CCDC13: variants seen among roughly 807,000 people sequenced by gnomAD.
The protein encoded by CCDC13 is coiled-coil domain-containing protein 13.
Under a neutral mutation model 87.3 loss-of-function variants are expected in CCDC13, and 70 were observed. The observed-to-expected ratio is 0.80, with a 90% CI of 0.66 to 0.98. The LOEUF is 0.98. CCDC13 is among the 50% of genes least tolerant of loss of function. The pLI is 0.00. For missense variants in CCDC13, 842 were observed against 892.0 expected, an observed-to-expected ratio of 0.94 and a Z score of 0.71; for synonymous variants, 317 against 360.3, an observed-to-expected ratio of 0.88 and a Z score of 1.36.
At chr3:42,756,695 C>T (rs575562833) in intron 3 of CCDC13, among the ~76,000 whole-genome samples, 265 of 151,532 alleles carry the variant, frequency 1.7e-3, no homozygotes, top group Admixed American at 4.3e-3. Context: ...CACAACATAA[C>T]ATGTGAGCCA....
At chr3:42,771,624 A>T (rs1209248614) in intron 1 of CCDC13, among the ~76,000 whole-genome samples, 9 of 152,068 alleles carry the variant, frequency 5.9e-5, no homozygotes, top group Non-Finnish European at 1.5e-5. Context: ...GCATGGTGGC[A>T]TGTGCCTGTG....
chr3:42,771,201 G>A (rs1166249926), intron 1 of CCDC13: 3 of 152,174 alleles, frequency 2.0e-5, no homozygotes, highest in Non-Finnish European at 4.4e-5. Flanking sequence ...GAAGAAGCCG[G>A]TCTGAAAAGG....
intron 1 of CCDC13, among the ~76,000 whole-genome samples, chr3:42,766,619 A>AC (rs1699938408): frequency 6.6e-6 from 1 of 151,448 alleles, no homozygotes; most frequent in South Asian, 2.1e-4. Flanking sequence ...AAAAAAAAAA[A>AC]AAAACAACCA....
At chr3:42,729,411 G>A (rs531122722) in intron 13 of CCDC13, among the ~76,000 whole-genome samples, 81 of 152,316 alleles carry the variant, frequency 5.3e-4, no homozygotes, top group Non-Finnish European at 9.3e-4. Flanking sequence ...TTAGGTAGCA[G>A]GCATCCTTTG....
intron 8 of CCDC13, 72 bp from the exon 9 acceptor site, chr3:42,739,882 T>C: frequency 1.4e-6 from 2 of 1,447,170 alleles, no homozygotes; most frequent in Non-Finnish European, 1.9e-6. Flanking sequence ...CCCTGGCTCC[T>C]ACTCAATGGC....
At chr3:42,716,456 T>C (rs1698431938) in intron 13 of CCDC13, among the ~76,000 whole-genome samples, 1 of 152,034 alleles carries the variant, frequency 6.6e-6, no homozygotes, top group African/African-American at 2.4e-5. Flanking sequence ...CTTGAAACAA[T>C]AAAAAATTTC....
At chr3:42,760,783 A>T (rs971900092) in intron 1 of CCDC13, among the ~76,000 whole-genome samples, 48 of 151,856 alleles carry the variant, frequency 3.2e-4, no homozygotes, top group African/African-American at 8.0e-4. Flanking sequence ...AAATATAAAT[A>T]AATTAATTAA....
At chr3:42,766,645 A>G (rs1575339176) in intron 1 of CCDC13, among the ~76,000 whole-genome samples, 3 of 151,848 alleles carry the variant, frequency 2.0e-5, no homozygotes. Flanking sequence ...CCAAACAAAC[A>G]AACTTCCTCT....
chr3:42,752,080 G>GT, intron 4 of CCDC13, 55 bp from the exon 5 acceptor site: 1 of 1,483,092 alleles, frequency 6.7e-7, no homozygotes, highest in Non-Finnish European at 9.3e-7. Context: ...GCAGCCCAAG[G>GT]AAAGCACTCT....
chr3:42,713,058 C>G (rs1339104450), intron 14 of CCDC13, 104 bp downstream of exon 14: 2 of 1,338,496 alleles, frequency 1.5e-6, no homozygotes, highest in Non-Finnish European at 2.0e-6. Context: ...AGCTCTGCTT[C>G]CCACATGCTC....
chr3:42,747,289 A>T lies in CCDC13; in HGVS notation c.688T>A (p.Ser230Thr), dbSNP rs1270921016. The change falls in exon 6 of 16, where the codon TCT (serine) becomes ACT (threonine). Residue 230 changes from serine to threonine, a missense_variant. Physicochemically the swap from Ser to Thr is moderately conservative, Grantham distance 58. Coordinates refer to ENST00000310232, the MANE Select transcript of CCDC13 (RefSeq NM_144719.4). ...GCCATCCGCAGCTCCTGCTTCACAG[A>T]CTGGATCTGGTTTCGGAGGTCACTC... Reference protein sequence around the residue: ...KMSDLRNQIQSVKQELRMAQK... With the variant: ...KMSDLRNQIQTVKQELRMAQK... 1 of 1,613,982 alleles carries T rather than the reference A, an allele frequency of 6.2e-7. No individual in the cohort carries two copies. The highest frequency in any genetic ancestry group is 8.5e-7 in the Non-Finnish European group (1 of 1,180,018).
rs1391592718 is a variant in CCDC13, at chr3:42,717,443, T to A, written c.1719-4127A>T. Among the ~76,000 whole-genome samples the A allele has an allele frequency of 6.7e-4, 79 of 118,100 alleles. 6 individuals carry two copies. Among genetic ancestry groups the A allele is most frequent in the East Asian group, 1.4e-3 (6 of 4,228 alleles). 77.5% of individuals were successfully genotyped at this position (118,100 alleles called of 152,430 possible). On this transcript the variant is annotated intron_variant, in intron 13 of 15. Transcript: ENST00000310232. ...CCATCTCAAAAAAAAAAAAAATAAG[T>A]AAAGAGGTTACTAGATGCTGGGCTT...
chr3:42,766,135 T>C (rs1270360939), intron 1 of CCDC13, among the ~76,000 whole-genome samples: 1 of 151,380 alleles, frequency 6.6e-6, no homozygotes, highest in African/African-American at 2.4e-5. Flanking sequence ...ACCTAGGCGG[T>C]TTGGGTTTGA....
chr3:42,773,110 G>C (rs1564176), intron 1 of CCDC13, 66 bp downstream of exon 1: 145,236 of 152,348 alleles, frequency 0.95, 69,639 homozygotes, highest in East Asian at 1. Context: ...GCTCGGTTCC[G>C]CGCCCCCGGC....
At chr3:42,761,052 T>A (rs1699821955) in intron 1 of CCDC13, among the ~76,000 whole-genome samples, 1 of 152,214 alleles carries the variant, frequency 6.6e-6, no homozygotes, top group Non-Finnish European at 1.5e-5. Context: ...GAACTTCACA[T>A]AAATGAAATA....
At chr3:42,757,006 T>C in intron 3 of CCDC13, 60 bp downstream of exon 3, 1 of 1,526,688 alleles carries the variant, frequency 6.6e-7, no homozygotes, top group Non-Finnish European at 9.0e-7. Context: ...ACCTGCTGTC[T>C]GCCCTATCTG....
At chr3:42,721,351 T>C (rs1698556735) in intron 13 of CCDC13, among the ~76,000 whole-genome samples, 1 of 152,236 alleles carries the variant, frequency 6.6e-6, no homozygotes, top group Non-Finnish European at 1.5e-5. Flanking sequence ...TGCAAGTTTC[T>C]GATAACTTTG....
At chr3:42,721,016 C>T (rs1436959433) in intron 13 of CCDC13, among the ~76,000 whole-genome samples, 2 of 152,106 alleles carry the variant, frequency 1.3e-5, no homozygotes, top group Non-Finnish European at 2.9e-5. Flanking sequence ...TTTGGCTTAT[C>T]GGGTATAAAA....
At chr3:42,718,052 T>C (rs1698472736) in intron 13 of CCDC13, 1 of 152,154 alleles carries the variant, frequency 6.6e-6, no homozygotes, top group South Asian at 2.1e-4. Context: ...TCAGAGGCGT[T>C]TGAACAAGAG....
Sources: gnomAD v4.1 joint callset for allele counts (sites outside exome capture counted in the v4.1 genomes callset) on GRCh38, gnomAD v4.1.1 for gene constraint, MANE v1.5 for transcripts, NCBI Gene and HGNC (gene_info 2026-07-23, HGNC 2026-07-21) for gene names.